Variants in ARHGEF28 observed in about 807,000 individuals in gnomAD.
The protein encoded by ARHGEF28 is 190 kDa guanine nucleotide exchange factor.
A neutral mutation model predicts 206.6 loss-of-function variants in ARHGEF28; 152 were observed. The ratio of observed to expected loss-of-function variants is 0.74; its 90% CI spans 0.64 to 0.84. The LOEUF (loss-of-function observed/expected upper bound fraction) is 0.84. ARHGEF28 is among the 40% of genes least tolerant of loss of function. The probability of loss-of-function intolerance (pLI) is 0.00; values close to 1 mark genes in which losing one functional copy is unlikely to be tolerated. For synonymous variants in ARHGEF28, 763 were observed against 776.4 expected (o/e 0.98, Z 0.29); for missense variants, 2,028 against 2,073.2 (o/e 0.98, Z 0.42).
intron 2 of ARHGEF28, among the ~76,000 whole-genome samples, chr5:73,744,915 A>G (rs1195741498): frequency 6.6e-6 from 1 of 152,046 alleles, no homozygotes; most frequent in Non-Finnish European, 1.5e-5. Flanking sequence ...GAAAGCCATA[A>G]AAAACCTTTC....
At chr5:73,651,169 A>T (rs939337456) in intron 1 of ARHGEF28, among the ~76,000 whole-genome samples, 1 of 152,126 alleles carries the variant, frequency 6.6e-6, no homozygotes, top group South Asian at 2.1e-4. Flanking sequence ...GCCTAAGAAG[A>T]AGGGAATGGA....
intron 7 of ARHGEF28, among the ~76,000 whole-genome samples, chr5:73,787,574 C>T (rs1754238120): frequency 6.6e-6 from 1 of 152,118 alleles, no homozygotes; most frequent in Non-Finnish European, 1.5e-5. Flanking sequence ...GTGTAACGTT[C>T]CCCTCCCTGT....
At chr5:73,705,976 C>T (rs1329068008) in intron 2 of ARHGEF28, among the ~76,000 whole-genome samples, 4 of 152,262 alleles carry the variant, frequency 2.6e-5, no homozygotes, top group South Asian at 4.1e-4. Context: ...GCAACTACTG[C>T]GTTATTATGC....
chr5:73,807,951 A>C (rs1244984915), intron 9 of ARHGEF28, among the ~76,000 whole-genome samples: 1 of 152,078 alleles, frequency 6.6e-6, no homozygotes, highest in African/African-American at 2.4e-5. Context: ...CATATCATAT[A>C]TCAGTAACTT....
chr5:73,762,794 A>C (rs1752681961), intron 4 of ARHGEF28, among the ~76,000 whole-genome samples: 2 of 152,284 alleles, frequency 1.3e-5, no homozygotes, highest in Admixed American at 1.3e-4. Context: ...AATGAGAGGC[A>C]TAATAGTTAA....
At chr5:73,872,386 A>G (rs1253607247) in intron 21 of ARHGEF28, among the ~76,000 whole-genome samples, 1 of 151,986 alleles carries the variant, frequency 6.6e-6, no homozygotes, top group Admixed American at 6.6e-5. Context: ...ACTAGATACA[A>G]GTTCCTTATC....
chr5:73,646,303 C>T (rs1744420408), intron 1 of ARHGEF28, among the ~76,000 whole-genome samples: 1 of 152,160 alleles, frequency 6.6e-6, no homozygotes, highest in Non-Finnish European at 1.5e-5. Flanking sequence ...AATCTGGCCT[C>T]CTGAAAATCT....
At chr5:73,848,176 A>G (rs1393695917) in intron 12 of ARHGEF28, among the ~76,000 whole-genome samples, 3 of 152,202 alleles carry the variant, frequency 2.0e-5, no homozygotes, top group African/African-American at 7.2e-5. Flanking sequence ...GGTACTATAA[A>G]TGGCTTCAGT....
intron 16 of ARHGEF28, among the ~76,000 whole-genome samples, chr5:73,861,157 G>A (rs545635482): frequency 5.1e-4 from 78 of 152,288 alleles, no homozygotes; most frequent in African/African-American, 1.7e-3. Context: ...GATGACTCCC[G>A]TGTAGGTCCC....
intron 22 of ARHGEF28, among the ~76,000 whole-genome samples, chr5:73,880,926 C>A (rs1760881153): frequency 8.9e-6 from 1 of 112,992 alleles, no homozygotes; most frequent in Non-Finnish European, 1.8e-5. Flanking sequence ...TCAGAAGTGG[C>A]ACCCTGCCTC....
Position 73,886,859 on chromosome 5 carries a change from G to T in ARHGEF28, c.3311-744G>T, listed in dbSNP as rs372513211. Among the ~76,000 whole-genome samples the T allele has an allele frequency of 1.6e-3, 242 of 152,316 alleles. 1 individual carries two copies. The highest frequency in any genetic ancestry group is 5.5e-3 in the African/African-American group (227 of 41,570). ...CAAGTGAGACTACTCTGCAGCCAGGGCTAAGAACCACTGTTTCTAACAGTT... is the reference window on the plus strand; with the variant it reads ...CAAGTGAGACTACTCTGCAGCCAGGTCTAAGAACCACTGTTTCTAACAGTT... On this transcript the variant is annotated intron_variant, in intron 25 of 35. Transcript: ENST00000513042.
intron 11 of ARHGEF28, among the ~76,000 whole-genome samples, chr5:73,845,185 T>G (rs1368375690): frequency 2.0e-5 from 3 of 150,712 alleles, no homozygotes; most frequent in Non-Finnish European, 3.0e-5. Flanking sequence ...AGCCGGCTAA[T>G]TTTTTGTATT....
intron 34 of ARHGEF28, among the ~76,000 whole-genome samples, chr5:73,910,746 AAG>A (rs1397505085): frequency 6.6e-6 from 1 of 152,186 alleles, no homozygotes; most frequent in African/African-American, 2.4e-5. Flanking sequence ...TTTCACTAAT[AAG>A]AGTTATTTAT....
chr5:73,752,378 T>A (rs1245771618), intron 3 of ARHGEF28, among the ~76,000 whole-genome samples: 1 of 152,084 alleles, frequency 6.6e-6, no homozygotes, highest in African/African-American at 2.4e-5. Flanking sequence ...CACATAGATA[T>A]GTATATATAT....
At chr5:73,848,897 T>C in intron 12 of ARHGEF28, 79 bp from the exon 13 acceptor site, 1 of 1,024,844 alleles carries the variant, frequency 9.8e-7, no homozygotes, top group Non-Finnish European at 1.4e-6. Flanking sequence ...AGGTGCAAAT[T>C]TAGTAACATT....
rs80243512 is a variant in ARHGEF28 at position 73,831,124 on chromosome 5, T to C, written c.1025-1214T>C. ...AATTGCTATCCATAATAATTACAAATTTAATAGTAATTCTGACCAATAATA... is the reference window on the plus strand; with the variant it reads ...AATTGCTATCCATAATAATTACAAACTTAATAGTAATTCTGACCAATAATA... On this transcript the variant is annotated intron_variant, in intron 9 of 35. Transcript: ENST00000513042. Among the ~76,000 whole-genome samples, 162 of 152,306 alleles carry C rather than the reference T, an allele frequency of 1.1e-3. 2 individuals carry two copies. The East Asian group carries it at 0.028, about 26-fold the overall frequency.
At chr5:73,647,081 A>G (rs1289078588) in intron 1 of ARHGEF28, among the ~76,000 whole-genome samples, 1 of 152,158 alleles carries the variant, frequency 6.6e-6, no homozygotes, top group African/African-American at 2.4e-5. Flanking sequence ...TAAATATCCA[A>G]AATCTGAAAT....
At chr5:73,880,708 G>T (rs1402970312) in intron 22 of ARHGEF28, among the ~76,000 whole-genome samples, 2 of 152,192 alleles carry the variant, frequency 1.3e-5, no homozygotes, top group Admixed American at 6.5e-5. Context: ...CGAGGTGGAT[G>T]GATCACTTGA....
intron 2 of ARHGEF28, among the ~76,000 whole-genome samples, chr5:73,691,057 G>GTAGCTGGGAC (rs1441232701): frequency 2.0e-5 from 3 of 151,962 alleles, no homozygotes; most frequent in Non-Finnish European, 2.9e-5. Context: ...AGCTCCCAGA[G>GTAGCTGGGAC]TAGCTGGGAC....
Sources: gnomAD v4.1 joint callset for allele counts (sites outside exome capture counted in the v4.1 genomes callset) on GRCh38, gnomAD v4.1.1 for gene constraint, MANE v1.5 for transcripts, NCBI Gene and HGNC (gene_info 2026-07-23, HGNC 2026-07-21) for gene names.